Variants in PEMT observed in about 807,000 individuals in gnomAD.
PEMT encodes the protein phosphatidylethanolamine N-methyltransferase.
PEMT carries 23 observed loss-of-function variants against 27.4 expected under a neutral mutation model. The observed-to-expected ratio is 0.84, with a 90% confidence interval of 0.60 to 1.19. PEMT has a LOEUF of 1.19. Among genes scored for constraint, PEMT ranks in the 50% most tolerant of loss-of-function variants. The pLI is 0.00. For missense variants in PEMT, 307 were observed against 310.1 expected (o/e 0.99, Z 0.07); for synonymous variants, 137 against 139.1 (o/e 0.98, Z 0.11).
intron 3 of PEMT, among the ~76,000 whole-genome samples, chr17:17,519,525 A>T (rs898825034): frequency 4.6e-5 from 7 of 152,238 alleles, no homozygotes; most frequent in African/African-American, 1.7e-4. Flanking sequence ...CAAACCAGAC[A>T]GTGCTTTGCT....
intron 2 of PEMT, among the ~76,000 whole-genome samples, chr17:17,543,811 C>A (rs973048757): frequency 6.6e-6 from 1 of 152,194 alleles, no homozygotes; most frequent in African/African-American, 2.4e-5. Context: ...GACCTGCTTG[C>A]CTCAGCCTCC....
intron 3 of PEMT, among the ~76,000 whole-genome samples, chr17:17,516,935 C>T (rs1334236839): frequency 6.6e-6 from 1 of 152,170 alleles, no homozygotes; most frequent in Admixed American, 6.5e-5. Context: ...AGGGATTTCA[C>T]AAATAGAATT....
Position 17,576,951 on chromosome 17 carries a change from GTGA to G in PEMT, c.170_172del (p.Ile57del). On this transcript the variant is annotated inframe_deletion, in exon 2 of 7. Coordinates refer to ENST00000255389, the MANE Select transcript of PEMT (RefSeq NM_148172.3). ...CCAGTAGAGCGGATTGAAGGTGATG[GTGA>G]TGACGGCAGCCACAAAGCTGGGATC... 6.2e-7 allele frequency: 1 copy of G among 1,614,042 alleles called. No homozygotes were observed. Among genetic ancestry groups the G allele is most frequent in the Non-Finnish European group, 8.5e-7 (1 of 1,179,952 alleles).
At chr17:17,528,961 T>C (rs58992576) in intron 2 of PEMT, among the ~76,000 whole-genome samples, 3,659 of 152,302 alleles carry the variant, frequency 0.024, 122 homozygotes, top group East Asian at 0.097. Context: ...TCACATAAGC[T>C]TCATGTGCAC....
intron 2 of PEMT, among the ~76,000 whole-genome samples, chr17:17,524,857 C>A (rs1907554027): frequency 6.6e-6 from 1 of 152,220 alleles, no homozygotes; most frequent in Admixed American, 6.5e-5. Context: ...CGCCTGTAAT[C>A]CCAGCACTTT....
At chr17:17,570,483 C>T in intron 2 of PEMT, 1 of 983,714 alleles carries the variant, frequency 1.0e-6, no homozygotes, top group Non-Finnish European at 1.2e-6. Flanking sequence ...ACCTGTAGTG[C>T]CAGGGATGGC....
intron 2 of PEMT, chr17:17,570,862 C>T (rs187352883): frequency 7.0e-4 from 690 of 985,278 alleles, no homozygotes; most frequent in Middle Eastern, 3.7e-3. Flanking sequence ...GGTACAGATC[C>T]GGGGGCAGGT....
At chr17:17,559,068 C>G (rs984952433) in intron 2 of PEMT, among the ~76,000 whole-genome samples, 1 of 152,198 alleles carries the variant, frequency 6.6e-6, no homozygotes, top group African/African-American at 2.4e-5. Context: ...TCACTTCACC[C>G]CGTCGCAGCT....
In PEMT at chr17:17,561,672, T is replaced by C. The variant is rs1258994380; in HGVS notation, c.204+15248A>G. Among the ~76,000 whole-genome samples the C allele has an allele frequency of 6.6e-6, 1 of 152,142 alleles. No individual in the cohort carries two copies. The highest frequency in any genetic ancestry group is 2.4e-5 in the African/African-American group (1 of 41,426). On this transcript the variant is annotated intron_variant, in intron 2 of 6. Transcript: ENST00000255389. This position sits in a 1 kb window ranked among gnomAD's most constrained non-coding sequence, Gnocchi z 4.5. Reference sequence around the variant, plus strand: ...CCAAGGCTCGGAGAAGCCAGGAACCTTGCCCAGGTCCGTCTTGCTATCAAA... The same window carrying C: ...CCAAGGCTCGGAGAAGCCAGGAACCCTGCCCAGGTCCGTCTTGCTATCAAA...
chr17:17,541,122 T>C (rs988879581), intron 2 of PEMT, among the ~76,000 whole-genome samples: 2 of 152,174 alleles, frequency 1.3e-5, no homozygotes, highest in African/African-American at 4.8e-5. Flanking sequence ...ACAGACAGGA[T>C]TGTTGCTGAC....
intron 2 of PEMT, among the ~76,000 whole-genome samples, chr17:17,552,914 T>C (rs1016732540): frequency 4.6e-5 from 7 of 152,096 alleles, no homozygotes; most frequent in Non-Finnish European, 8.8e-5. Context: ...CCTTGCCCCC[T>C]TTCCCCCAGG....
chr17:17,575,230 CAA>C (rs944155008), intron 2 of PEMT, among the ~76,000 whole-genome samples: 16 of 152,158 alleles, frequency 1.1e-4, no homozygotes, highest in Non-Finnish European at 1.8e-4. Flanking sequence ...TCCATGGTGA[CAA>C]GAGACACTCC....
intron 2 of PEMT, among the ~76,000 whole-genome samples, chr17:17,542,373 G>A (rs890317454): frequency 6.6e-6 from 1 of 152,220 alleles, no homozygotes; most frequent in Non-Finnish European, 1.5e-5. Flanking sequence ...AGGGGCCTAC[G>A]TGGCCTCTGG....
Position 17,523,962 on chromosome 17 carries a change from G to T in PEMT, c.205-1567C>A, listed in dbSNP as rs148896010. 2.1e-4 allele frequency among the ~76,000 whole-genome samples: 32 copies of T among 151,926 alleles called. No homozygotes were observed. The highest frequency in any genetic ancestry group is 3.5e-4 in the Non-Finnish European group (24 of 68,032). On this transcript the variant is annotated intron_variant, in intron 2 of 6. Transcript: ENST00000255389. This position sits in a 1 kb window ranked among gnomAD's most constrained non-coding sequence, Gnocchi z 4.8. ...CCCTGGCAACCACTCATCGCTTTCC[G>T]TTGCTATGGATTCACCTATTCTGGA...
intron 2 of PEMT, among the ~76,000 whole-genome samples, chr17:17,564,803 G>A (rs529259958): frequency 2.8e-4 from 43 of 152,318 alleles, no homozygotes; most frequent in Non-Finnish European, 5.0e-4. Flanking sequence ...AGGCTGTGAC[G>A]TCAGCTGGAC....
intron 2 of PEMT, among the ~76,000 whole-genome samples, chr17:17,571,086 T>A (rs983549054): frequency 6.6e-6 from 1 of 152,158 alleles, no homozygotes; most frequent in African/African-American, 2.4e-5. Flanking sequence ...AGCCTGTCAG[T>A]CCCTCTGTGA....
chr17:17,538,230 G>A (rs542468630), intron 2 of PEMT, among the ~76,000 whole-genome samples: 3 of 152,336 alleles, frequency 2.0e-5, no homozygotes, highest in African/African-American at 7.2e-5. Context: ...ATCAATACAC[G>A]CTGAGCGGCT....
At position 17,513,263 on chromosome 17, in the gene PEMT, C is replaced by A. The variant is rs1423924863; in HGVS notation, c.321-609G>T. ...CCTCCTCCACACCTGAATTCCCCCA[C>A]TAGGCTCCCTTTGGGGCCAAACCAC... On this transcript the variant is annotated intron_variant, in intron 3 of 6. Transcript: ENST00000255389. This position sits in a 1 kb window ranked among gnomAD's most constrained non-coding sequence, Gnocchi z 4.1. 6.6e-6 allele frequency among the ~76,000 whole-genome samples: 1 copy of A among 152,224 alleles called. No homozygotes were observed. The highest frequency in any genetic ancestry group is 2.4e-5 in the African/African-American group (1 of 41,456).
intron 1 of PEMT, among the ~76,000 whole-genome samples, chr17:17,584,860 A>G (rs1912159935): frequency 6.6e-6 from 1 of 152,198 alleles, no homozygotes; most frequent in South Asian, 2.1e-4. Context: ...ACCGCTTCCT[A>G]GCCTGGGAGG....
Sources: allele counts gnomAD v4.1 joint callset (sites outside exome capture counted in the v4.1 genomes callset), GRCh38; gene constraint gnomAD v4.1.1; non-coding constraint Gnocchi (gnomAD v3.1); transcripts MANE v1.5; gene names NCBI Gene and HGNC (gene_info 2026-07-23, HGNC 2026-07-21).